The following SYNE2 variants were observed in gnomAD, a reference collection of about 807,000 sequenced individuals.
The protein encoded by SYNE2 is nesprin-2.
A neutral mutation model predicts 856.3 loss-of-function variants in SYNE2; 431 were observed. The observed-to-expected ratio is 0.50, with a 90% CI of 0.47 to 0.55. The LOEUF (loss-of-function observed/expected upper bound fraction) is 0.55. Among genes scored for constraint, SYNE2 ranks in the 20% least tolerant of loss-of-function variants. SYNE2 has a pLI of 0.00. For synonymous variants in SYNE2, 2,923 were observed against 2,872.3 expected, an observed-to-expected ratio of 1.02 and a Z score of -0.56; for missense variants, 8,129 against 8,023.2, an observed-to-expected ratio of 1.01 and a Z score of -0.50.
intron 19 of SYNE2, among the ~76,000 whole-genome samples, chr14:63,987,459 A>G: frequency 6.6e-6 from 1 of 152,238 alleles, no homozygotes; most frequent in East Asian, 1.9e-4. Flanking sequence ...GGGAGTTATC[A>G]TTGAGGTTTT....
At chr14:64,076,740 ATTTTTTTT>A (rs35509549) in intron 54 of SYNE2, among the ~76,000 whole-genome samples, 9 of 122,216 alleles carry the variant, frequency 7.4e-5, no homozygotes, top group Non-Finnish European at 1.4e-4. Flanking sequence ...CCACAGAAGG[ATTTTTTTT>A]TTTTTTTTTT....
intron 1 of SYNE2, among the ~76,000 whole-genome samples, chr14:63,806,359 A>G (rs1888361503): frequency 6.6e-6 from 1 of 152,092 alleles, no homozygotes; most frequent in Non-Finnish European, 1.5e-5. Flanking sequence ...TAACTTTTTG[A>G]TGTGCTGCTG....
intron 1 of SYNE2, among the ~76,000 whole-genome samples, chr14:63,806,073 T>C (rs2356996): frequency 0.63 from 96,047 of 151,906 alleles, 30,840 homozygotes; most frequent in South Asian, 0.75. Context: ...TCAAGGGGAA[T>C]GCTTCCAGCT....
At chr14:64,097,822 A>G in intron 61 of SYNE2, 127 bp from the exon 62 acceptor site, 2 of 900,946 alleles carry the variant, frequency 2.2e-6, no homozygotes, top group Non-Finnish European at 3.7e-6. Flanking sequence ...ACCAGAGACT[A>G]GCTTCTGGCT....
intron 16 of SYNE2, 111 bp from the exon 17 acceptor site, chr14:63,982,519 C>CAA (rs71444636): frequency 0.014 from 9,978 of 702,752 alleles, 2 homozygotes; most frequent in East Asian, 0.023. Flanking sequence ...GACTCCATCT[C>CAA]AAAAAAAAAA....
chr14:64,023,030 AC>A, intron 38 of SYNE2, 167 bp downstream of exon 38: 1 of 606,642 alleles, frequency 1.6e-6, no homozygotes. Context: ...AGAGTTCGAG[AC>A]CAGCCTGGGT....
chr14:64,087,842 C>T lies in SYNE2; in HGVS notation c.11656C>T (p.Gln3886Ter). The change falls in exon 58 of 116, where the codon CAG becomes TAG. Residue 3886 changes from glutamine (Q) to a stop codon, truncating the protein, a stop_gained. Coordinates refer to ENST00000555002, the MANE Select transcript of SYNE2 (RefSeq NM_182914.3). LOFTEE classifies it high-confidence loss of function. Reference sequence around the variant, plus strand: ...AATAATGGAAAGCCTTCCACAGATTCAGCGAATGGCTGATGTAAGTTTGCA... The same window carrying T: ...AATAATGGAAAGCCTTCCACAGATTTAGCGAATGGCTGATGTAAGTTTGCA... Reference protein sequence around the residue: ...QKIMESLPQIQRMADDVVAIE... With the variant: ...QKIMESLPQI 4 of 1,614,002 alleles carry T rather than the reference C, an allele frequency of 2.5e-6. No homozygotes were observed. The highest frequency in any genetic ancestry group is 3.4e-6 in the Non-Finnish European group (4 of 1,179,932).
chr14:64,224,806 A>G (rs941185270), intron 114 of SYNE2, among the ~76,000 whole-genome samples, 193 bp from the exon 115 acceptor site: 41 of 152,266 alleles, frequency 2.7e-4, no homozygotes, highest in Non-Finnish European at 1.2e-4. Flanking sequence ...TGACCCTGAA[A>G]CTGAGTAGAT....
chr14:64,078,968 A>C (rs1307329699), intron 55 of SYNE2, among the ~76,000 whole-genome samples: 6 of 152,172 alleles, frequency 3.9e-5, no homozygotes, highest in Non-Finnish European at 8.8e-5. Flanking sequence ...GCTACTCGGG[A>C]GGCTGAGGCA....
At chr14:63,780,511 G>A (rs1887269266) in intron 1 of SYNE2, among the ~76,000 whole-genome samples, 1 of 152,108 alleles carries the variant, frequency 6.6e-6, no homozygotes, top group African/African-American at 2.4e-5. Context: ...TCCAGCCCGG[G>A]CAACAGAGCA....
intron 8 of SYNE2, among the ~76,000 whole-genome samples, chr14:63,955,927 T>G (rs981278675): frequency 4.6e-5 from 7 of 152,210 alleles, no homozygotes; most frequent in Non-Finnish European, 8.8e-5. Flanking sequence ...AATAAGTAAG[T>G]GTAATAAGAG....
intron 11 of SYNE2, among the ~76,000 whole-genome samples, chr14:63,975,711 GGT>G (rs2096537005): frequency 1.3e-5 from 2 of 152,118 alleles, no homozygotes; most frequent in African/African-American, 4.8e-5. Flanking sequence ...TGTATTTTAA[GGT>G]GCTTCCATGT....
At chr14:63,990,857 T>G (rs542236944) in intron 20 of SYNE2, 85 bp from the exon 21 acceptor site, 294 of 1,108,964 alleles carry the variant, frequency 2.7e-4, no homozygotes, top group Non-Finnish European at 3.8e-4. Flanking sequence ...CTTTGTCTAG[T>G]GGGAAAATAA....
chr14:64,068,394 T>C (rs1342427410), intron 51 of SYNE2, among the ~76,000 whole-genome samples: 1 of 152,166 alleles, frequency 6.6e-6, no homozygotes, highest in East Asian at 1.9e-4. Flanking sequence ...TTGTGGCCTT[T>C]TGAGTTTACT....
intron 112 of SYNE2, 84 bp downstream of exon 112, chr14:64,221,788 T>C: frequency 6.6e-7 from 1 of 1,513,028 alleles, no homozygotes; most frequent in Non-Finnish European, 9.2e-7. Flanking sequence ...CCTCGCCTAG[T>C]ATTTCAGGAA....
chr14:64,012,166 A>G lies in SYNE2; in HGVS notation c.4728+2050A>G, dbSNP rs138648959. 4.9e-4 allele frequency among the ~76,000 whole-genome samples: 74 copies of G among 152,204 alleles called. No individual in the cohort carries two copies. The East Asian group carries it at 0.011, about 23-fold the overall frequency. ...GTCATTTCTAGCCTTTTGAGTTTCT[A>G]TGGCACAAATGGCCTTGCTTCTTAT... On this transcript the variant is annotated intron_variant, in intron 32 of 115. Coordinates refer to ENST00000555002, the MANE Select transcript of SYNE2 (RefSeq NM_182914.3).
chr14:63,962,151 G>A lies in SYNE2; in HGVS notation c.888+526G>A, dbSNP rs1028826174. 4.6e-5 allele frequency among the ~76,000 whole-genome samples: 7 copies of A among 151,898 alleles called. No individual in the cohort carries two copies. The South Asian group carries it at 6.2e-4, about 14-fold the overall frequency. ...GGCTTACAGCAACCTCTGTCTCCCCGTTCAAGTGATTCTCGTGCCTCAGCC... is the reference window on the plus strand; with the variant it reads ...GGCTTACAGCAACCTCTGTCTCCCCATTCAAGTGATTCTCGTGCCTCAGCC... On this transcript the variant is annotated intron_variant, in intron 9 of 115. Transcript: ENST00000555002.
intron 65 of SYNE2, among the ~76,000 whole-genome samples, chr14:64,109,173 G>A (rs946199028): frequency 1.3e-5 from 2 of 151,582 alleles, no homozygotes; most frequent in Admixed American, 6.6e-5. Flanking sequence ...AGCTTCAATG[G>A]TGTTTTAGCT....
At chr14:64,197,401 T>C (rs1596155049) in intron 99 of SYNE2, among the ~76,000 whole-genome samples, 1 of 152,204 alleles carries the variant, frequency 6.6e-6, no homozygotes, top group South Asian at 2.1e-4. Context: ...AGACGTGTAT[T>C]GTAATGCCTC....
Sources: gnomAD v4.1 joint callset for allele counts (sites outside exome capture counted in the v4.1 genomes callset) on GRCh38, gnomAD v4.1.1 for gene constraint, MANE v1.5 for transcripts, NCBI Gene and HGNC (gene_info 2026-07-23, HGNC 2026-07-21) for gene names.